SEPTIN9: variants seen among roughly 807,000 people sequenced by gnomAD.
The protein encoded by SEPTIN9 is septin-9.
Under a neutral mutation model 56.6 loss-of-function variants are expected in SEPTIN9, and 13 were observed. That is an observed-to-expected ratio of 0.23 (90% confidence interval 0.15 to 0.37). SEPTIN9 has a LOEUF of 0.37. Ranked by LOEUF, SEPTIN9 falls within the 10% of genes least tolerant of loss-of-function variation. The pLI is 1.00. For synonymous variants in SEPTIN9, 332 were observed against 334.1 expected, an observed-to-expected ratio of 0.99 and a Z score of 0.07; for missense variants, 650 against 823.1, an observed-to-expected ratio of 0.79 and a Z score of 2.57.
chr17:77,304,157 C>T (rs1363942446), intron 1 of SEPTIN9, among the ~76,000 whole-genome samples: 5 of 152,174 alleles, frequency 3.3e-5, no homozygotes, highest in Non-Finnish European at 5.9e-5. Flanking sequence ...GAACTGGAGC[C>T]GCTCGTGGCC....
intron 2 of SEPTIN9, among the ~76,000 whole-genome samples, chr17:77,381,792 C>T (rs941370310): frequency 3.9e-5 from 6 of 152,188 alleles, no homozygotes; most frequent in African/African-American, 7.2e-5. Flanking sequence ...CCAGGAGCAT[C>T]GCTGGGGGTG....
rs1176788457 is a variant in SEPTIN9, at chr17:77,371,239, G to T, written c.77-30820G>T. Among the ~76,000 whole-genome samples the T allele has an allele frequency of 6.6e-6, 1 of 152,220 alleles. No homozygotes were observed. Among genetic ancestry groups the T allele is most frequent in the African/African-American group, 2.4e-5 (1 of 41,466 alleles). ...CTGGAGCCGGTGGGCTCTGAGCACAGTCACGAAGGCATGCGCACTTTCTGG... is the reference window on the plus strand; with the variant it reads ...CTGGAGCCGGTGGGCTCTGAGCACATTCACGAAGGCATGCGCACTTTCTGG... On this transcript the variant is annotated intron_variant, in intron 2 of 11. Coordinates refer to ENST00000427177, the MANE Select transcript of SEPTIN9 (RefSeq NM_001113491.2). This position sits in a 1 kb window ranked among gnomAD's most constrained non-coding sequence, Gnocchi z 4.1.
At position 77,488,238 on chromosome 17, in the gene SEPTIN9, A is replaced by C; in HGVS notation, c.1043-2A>C. 6.2e-7 allele frequency: 1 copy of C among 1,613,676 alleles called. No homozygotes were observed. On this transcript the variant is annotated splice_acceptor_variant, in intron 5 of 11. Coordinates refer to ENST00000427177, the MANE Select transcript of SEPTIN9 (RefSeq NM_001113491.2). LOFTEE classifies it high-confidence loss of function. ...TGACTCTGCGTCCGTGGCTCTGTGCAGATATTGAGGAGAAAGGCGTCCGGA... is the reference window on the plus strand; with the variant it reads ...TGACTCTGCGTCCGTGGCTCTGTGCCGATATTGAGGAGAAAGGCGTCCGGA...
intron 2 of SEPTIN9, among the ~76,000 whole-genome samples, 189 bp downstream of exon 2, chr17:77,307,386 T>G (rs2032313692): frequency 6.6e-6 from 1 of 152,200 alleles, no homozygotes; most frequent in South Asian, 2.1e-4. Context: ...CTGTCGACGC[T>G]GCCCTGCTGG....
At chr17:77,441,799 A>G (rs117775147) in intron 3 of SEPTIN9, among the ~76,000 whole-genome samples, 1 of 152,216 alleles carries the variant, frequency 6.6e-6, no homozygotes, top group East Asian at 1.9e-4. Context: ...CTTTCCTCCT[A>G]CCAGACCTGA....
intron 2 of SEPTIN9, among the ~76,000 whole-genome samples, chr17:77,359,273 A>G (rs1275423139): frequency 6.6e-6 from 1 of 152,246 alleles, no homozygotes; most frequent in Non-Finnish European, 1.5e-5. Flanking sequence ...TATTGGGGAA[A>G]CAACTAGCAT....
At chr17:77,442,844 G>T (rs747545334) in intron 3 of SEPTIN9, among the ~76,000 whole-genome samples, 9 of 151,904 alleles carry the variant, frequency 5.9e-5, no homozygotes, top group Non-Finnish European at 1.0e-4. Flanking sequence ...TTGCATTCCA[G>T]TCTGGGCAAC....
intron 1 of SEPTIN9, among the ~76,000 whole-genome samples, chr17:77,288,890 G>A (rs1702937): frequency 0.13 from 20,146 of 152,132 alleles, 1,483 homozygotes; most frequent in Middle Eastern, 0.15. Context: ...CACAGAGGCC[G>A]GCACCGAGGG....
At chr17:77,482,768 G>A in intron 4 of SEPTIN9, 1 of 569,992 alleles carries the variant, frequency 1.8e-6, no homozygotes, top group Non-Finnish European at 3.1e-6. Flanking sequence ...GCTCTGCCCT[G>A]GAATTGGGGC....
chr17:77,320,105 A>G, intron 2 of SEPTIN9: 2 of 1,448,968 alleles, frequency 1.4e-6, no homozygotes, highest in Non-Finnish European at 9.1e-7. Flanking sequence ...ATGCTACTTC[A>G]GTTTGGAGCA....
At chr17:77,357,677 C>G (rs2034297487) in intron 2 of SEPTIN9, among the ~76,000 whole-genome samples, 1 of 152,028 alleles carries the variant, frequency 6.6e-6, no homozygotes, top group African/African-American at 2.4e-5. Context: ...TGCGGTGGTG[C>G]AGTCATAGCA....
intron 3 of SEPTIN9, among the ~76,000 whole-genome samples, chr17:77,467,989 G>T (rs1016866965): frequency 6.6e-6 from 1 of 152,178 alleles, no homozygotes; most frequent in African/African-American, 2.4e-5. Context: ...ACCTAGGCTG[G>T]GCGTGGTGTC....
Position 77,436,375 on chromosome 17 carries a change from G to C in SEPTIN9, c.721+33672G>C, listed in dbSNP as rs1320849592. Among the ~76,000 whole-genome samples the C allele has an allele frequency of 2.0e-5, 3 of 152,224 alleles. No individual in the cohort carries two copies. The highest frequency in any genetic ancestry group is 4.4e-5 in the Non-Finnish European group (3 of 68,030). On this transcript the variant is annotated intron_variant, in intron 3 of 11. Transcript: ENST00000427177. This position sits in a 1 kb window ranked among gnomAD's most constrained non-coding sequence, Gnocchi z 4.4. ...GTTCAGAGCGGATCCAGAAGGTGGA[G>C]AGAGGGTTTCCAATAAGCAGAGGAT...
chr17:77,407,411 G>A (rs898279372), intron 3 of SEPTIN9, among the ~76,000 whole-genome samples: 5 of 151,878 alleles, frequency 3.3e-5, no homozygotes, highest in Admixed American at 1.3e-4. Flanking sequence ...CTTTTTTGTG[G>A]TTCTTGTAGG....
At chr17:77,349,526 T>C (rs2033992442) in intron 2 of SEPTIN9, among the ~76,000 whole-genome samples, 1 of 152,238 alleles carries the variant, frequency 6.6e-6, no homozygotes, top group African/African-American at 2.4e-5. Context: ...CTCCGTTGTT[T>C]CTGTCAAGGA....
Position 77,436,004 on chromosome 17 carries a change from C to T in SEPTIN9, c.721+33301C>T, listed in dbSNP as rs980295572. On this transcript the variant is annotated intron_variant, in intron 3 of 11. Transcript: ENST00000427177. The surrounding 1 kb of genome is among the most constrained non-coding windows in gnomAD (Gnocchi z 4.4). ...TGGAGGACCAAGGGAGAACTGAGCG[C>T]GTGTTCTCTTGGCCTCAGCCTCGTG... Among the ~76,000 whole-genome samples the T allele has an allele frequency of 3.0e-4, 46 of 152,302 alleles. No individual in the cohort carries two copies. The highest frequency in any genetic ancestry group is 1.0e-3 in the African/African-American group (42 of 41,558).
chr17:77,360,583 G>C (rs1388028082), intron 2 of SEPTIN9, among the ~76,000 whole-genome samples: 1 of 127,734 alleles, frequency 7.8e-6, no homozygotes, highest in African/African-American at 3.1e-5. Flanking sequence ...TTTTTTTTTT[G>C]AGACGGAGTC....
At chr17:77,360,281 C>G (rs183368944) in intron 2 of SEPTIN9, among the ~76,000 whole-genome samples, 1 of 152,110 alleles carries the variant, frequency 6.6e-6, no homozygotes, top group Admixed American at 6.5e-5. Flanking sequence ...TTGATTGGGT[C>G]AGCCTGCCAG....
At chr17:77,478,820 A>AAAAG (rs57230060) in intron 3 of SEPTIN9, among the ~76,000 whole-genome samples, 1 of 151,118 alleles carries the variant, frequency 6.6e-6, no homozygotes, top group African/African-American at 2.4e-5. Context: ...AAAAAAAAAA[A>AAAAG]GGGTGGAACA....
Sources: allele counts gnomAD v4.1 joint callset (sites outside exome capture counted in the v4.1 genomes callset), GRCh38; gene constraint gnomAD v4.1.1; non-coding constraint Gnocchi (gnomAD v3.1); transcripts MANE v1.5; gene names NCBI Gene and HGNC (gene_info 2026-07-23, HGNC 2026-07-21).